The following KIAA1549 variants were observed in gnomAD, a reference collection of about 807,000 sequenced individuals.
The protein encoded by KIAA1549 is UPF0606 protein KIAA1549.
In KIAA1549, 70 loss-of-function variants were observed where a neutral mutation model predicts 156.4. The ratio of observed to expected loss-of-function variants is 0.45; its 90% CI spans 0.37 to 0.55. The LOEUF (loss-of-function observed/expected upper bound fraction) is 0.55, where lower values mean the gene tolerates loss of function less well. Ranked by LOEUF, KIAA1549 falls within the 20% of genes least tolerant of loss-of-function variation. The probability of loss-of-function intolerance (pLI) is 0.00; values close to 1 mark genes in which losing one functional copy is unlikely to be tolerated. For missense variants in KIAA1549, 2,428 were observed against 2,540.9 expected (o/e 0.96, Z 0.96); for synonymous variants, 1,103 against 1,066.4 (o/e 1.03, Z -0.67).
rs1809646125 is a variant in KIAA1549, at chr7:138,834,524, A to G, written c.*3382T>C. 1 of 227,632 alleles carries G rather than the reference A, an allele frequency of 4.4e-6. No homozygotes were observed. Among genetic ancestry groups the G allele is most frequent in the African/African-American group, 2.2e-5 (1 of 45,038 alleles). 14.1% of individuals were successfully genotyped at this position (227,632 alleles called of 1,614,324 possible). A position where few individuals can be genotyped will look rare whatever the true frequency, so the allele number is the denominator to read the frequency against. ...TCCATCTTCTATACCCACTCGTGCT[A>G]TCTTAGATTCTAAAATCTCAGAAGG... is the stretch of plus-strand genomic sequence containing the variant. On this transcript the variant is annotated 3_prime_UTR_variant, in exon 20 of 20. Coordinates refer to ENST00000422774, the MANE Select transcript of KIAA1549 (RefSeq NM_001164665.2).
intron 14 of KIAA1549, among the ~76,000 whole-genome samples, chr7:138,869,027 C>T (rs1041033512): frequency 1.3e-5 from 2 of 152,200 alleles, no homozygotes; most frequent in African/African-American, 4.8e-5. Context: ...ATGTCGGGGA[C>T]GGGAGTCTGG....
At chr7:138,878,278 C>T (rs1811142838) in intron 12 of KIAA1549, among the ~76,000 whole-genome samples, 1 of 151,310 alleles carries the variant, frequency 6.6e-6, no homozygotes, top group Non-Finnish European at 1.5e-5. Context: ...GAGACAAGGA[C>T]AGGCTAGGGC....
rs972062891 is a variant in KIAA1549 at position 138,873,010 on chromosome 7, G to A, written c.4346-1648C>T. On this transcript the variant is annotated intron_variant, in intron 12 of 19. Coordinates refer to ENST00000422774, the MANE Select transcript of KIAA1549 (RefSeq NM_001164665.2). Reference sequence around the variant, plus strand: ...GCCAGCAGGCTGACAGAGGGAATACGCACATGCAGAAAGTGCTTCTAAACA... The same window carrying A: ...GCCAGCAGGCTGACAGAGGGAATACACACATGCAGAAAGTGCTTCTAAACA... Among the ~76,000 whole-genome samples the A allele has an allele frequency of 4.6e-5, 7 of 152,282 alleles. No individual in the cohort carries two copies. The South Asian group carries it at 6.2e-4, about 14-fold the overall frequency.
chr7:138,837,219 T>C lies in KIAA1549; in HGVS notation c.*687A>G, dbSNP rs1010777027. The C allele has an allele frequency of 2.2e-5, 5 of 227,032 alleles. No individual in the cohort carries two copies. Among genetic ancestry groups the C allele is most frequent in the African/African-American group, 1.1e-4 (5 of 45,008 alleles). The allele number at this position is 227,032 out of a possible 1,614,324, so 14.1% of individuals were successfully genotyped here. A position where few individuals can be genotyped will look rare whatever the true frequency, so the allele number is the denominator to read the frequency against. ...AGAACAAAATGAAACCTTCAACATATTCTTCCACTGAAAAAGCCAAAGTTC... is the reference window on the plus strand; with the variant it reads ...AGAACAAAATGAAACCTTCAACATACTCTTCCACTGAAAAAGCCAAAGTTC... On this transcript the variant is annotated 3_prime_UTR_variant, in exon 20 of 20. Transcript: ENST00000422774.
At chr7:138,884,584 A>G (rs1472356749) in intron 10 of KIAA1549, among the ~76,000 whole-genome samples, 1 of 152,212 alleles carries the variant, frequency 6.6e-6, no homozygotes, top group African/African-American at 2.4e-5. Context: ...GTTAAGTCAC[A>G]CCTACGAACA....
intron 13 of KIAA1549, among the ~76,000 whole-genome samples, chr7:138,870,904 C>T (rs555727941): frequency 6.6e-6 from 1 of 152,264 alleles, no homozygotes; most frequent in African/African-American, 2.4e-5. Context: ...TGCAAACTCC[C>T]CCTCCCGGGT....
In KIAA1549 at chr7:138,934,984, A is replaced by C. The variant is rs150488355; in HGVS notation, c.188-15546T>G. Among the ~76,000 whole-genome samples, 524 of 152,360 alleles carry C rather than the reference A, an allele frequency of 3.4e-3. 2 individuals are homozygous for C. The highest frequency in any genetic ancestry group is 0.012 in the African/African-American group (496 of 41,586). On this transcript the variant is annotated intron_variant, in intron 1 of 19. Transcript: ENST00000422774. ...GTCTCCAGAACATTCCACAGAAAACAGAACTGGGCGCTGTTCTATCTCCAA... is the reference window on the plus strand; with the variant it reads ...GTCTCCAGAACATTCCACAGAAAACCGAACTGGGCGCTGTTCTATCTCCAA...
chr7:138,886,975 T>C (rs555055753), intron 10 of KIAA1549, among the ~76,000 whole-genome samples: 7 of 152,102 alleles, frequency 4.6e-5, no homozygotes, highest in African/African-American at 1.7e-4. Flanking sequence ...GATGTCGGCT[T>C]ACTGCAACCT....
At position 138,898,234 on chromosome 7, in the gene KIAA1549, G is replaced by C. The variant is rs139476918; in HGVS notation, c.3847+721C>G. On this transcript the variant is annotated intron_variant, in intron 9 of 19. Transcript: ENST00000422774. ...AGGCAGGAGAATCACTTGAACCCGG[G>C]AGGCAGAGGTTGCAGTGAGCCGAGA... Among the ~76,000 whole-genome samples, 620 of 149,154 alleles carry C rather than the reference G, an allele frequency of 4.2e-3. 5 individuals carry two copies. Among genetic ancestry groups the C allele is most frequent in the African/African-American group, 0.015 (587 of 40,352 alleles).
chr7:138,899,108 C>T lies in KIAA1549; in HGVS notation c.3694G>A (p.Gly1232Arg). Residue 1232 changes from glycine (G) to arginine (R), a missense_variant, in exon 9 of 20, where the codon GGA becomes AGA. Physicochemically the swap from Gly to Arg is moderately radical, Grantham distance 125. Coordinates refer to ENST00000422774, the MANE Select transcript of KIAA1549 (RefSeq NM_001164665.2). ...VQVVNVSRLE[G>R]DDNPVQLIYF... Reference sequence around the variant, plus strand: ...ATGAGCTGTACCGGATTGTCATCTCCCTCCAGCCTCGACACATTTACCACC... The same window carrying T: ...ATGAGCTGTACCGGATTGTCATCTCTCTCCAGCCTCGACACATTTACCACC... The T allele has an allele frequency of 1.9e-6, 3 of 1,613,802 alleles. No homozygotes were observed. Among genetic ancestry groups the T allele is most frequent in the Non-Finnish European group, 2.5e-6 (3 of 1,179,746 alleles).
chr7:138,911,342 C>T lies in KIAA1549; in HGVS notation c.2968-19G>A. The T allele has an allele frequency of 6.6e-7, 1 of 1,523,838 alleles. No individual in the cohort carries two copies. Among genetic ancestry groups the T allele is most frequent in the Non-Finnish European group, 8.9e-7 (1 of 1,124,818 alleles). The allele number at this position is 1,523,838 out of a possible 1,614,324, so 94.4% of individuals were successfully genotyped here. On this transcript the variant is annotated intron_variant, in intron 3 of 19. Transcript: ENST00000422774. ...CGTAAACCTAGGGAAATAAGAAATA[C>T]AAAGACAATTCAAACTTAAAGGAAG...
intron 12 of KIAA1549, among the ~76,000 whole-genome samples, chr7:138,873,681 G>A (rs1810999018): frequency 6.6e-6 from 1 of 150,626 alleles, no homozygotes; most frequent in Admixed American, 6.6e-5. Flanking sequence ...CCTAAGACTG[G>A]GCTCCTGTCC....
At chr7:138,839,907 C>T (rs10282611) in intron 19 of KIAA1549, among the ~76,000 whole-genome samples, 183 of 149,080 alleles carry the variant, frequency 1.2e-3, no homozygotes, top group African/African-American at 4.3e-3. Flanking sequence ...CTTGCCTCAG[C>T]CTCCCAAGTA....
At chr7:138,848,557 G>A (rs1200949004) in intron 17 of KIAA1549, among the ~76,000 whole-genome samples, 2 of 152,138 alleles carry the variant, frequency 1.3e-5, no homozygotes, top group African/African-American at 2.4e-5. Flanking sequence ...TCTACTGCTG[G>A]TTATGCTCAC....
chr7:138,975,047 C>T lies in KIAA1549; in HGVS notation c.187+6036G>A, dbSNP rs1280329225. On this transcript the variant is annotated intron_variant, in intron 1 of 19. Transcript: ENST00000422774. ...ATCACCAGGGGGATCTTGTCAAATGCAGATTCTGATTCAGAAGGTCGGGGG... is the reference window on the plus strand; with the variant it reads ...ATCACCAGGGGGATCTTGTCAAATGTAGATTCTGATTCAGAAGGTCGGGGG... 5.3e-5 allele frequency among the ~76,000 whole-genome samples: 8 copies of T among 152,174 alleles called. No individual in the cohort carries two copies. The East Asian group carries it at 1.5e-3, about 29-fold the overall frequency.
Position 138,835,220 on chromosome 7 carries a change from G to C in KIAA1549, c.*2686C>G. On this transcript the variant is annotated 3_prime_UTR_variant, in exon 20 of 20. Transcript: ENST00000422774. ...GCTGCTCACACAGCTAGTTTTTTCTGAGTTTGGTGACTGGCAAAACTGTTG... is the reference window on the plus strand; with the variant it reads ...GCTGCTCACACAGCTAGTTTTTTCTCAGTTTGGTGACTGGCAAAACTGTTG... The C allele has an allele frequency of 4.6e-6, 1 of 215,462 alleles. No individual in the cohort carries two copies. The highest frequency in any genetic ancestry group is 9.4e-6 in the Non-Finnish European group (1 of 106,742). The allele number at this position is 215,462 out of a possible 1,614,324, so 13.3% of individuals were successfully genotyped here.
chr7:138,920,170 T>TC (rs144203447), intron 1 of KIAA1549, among the ~76,000 whole-genome samples: 16,279 of 84,436 alleles, frequency 0.19, 333 homozygotes, highest in African/African-American at 0.38. Flanking sequence ...GGAATGCCCT[T>TC]CCCAGCTCTC....
chr7:138,888,788 T>C (rs1284614174), intron 10 of KIAA1549, among the ~76,000 whole-genome samples: 2 of 152,224 alleles, frequency 1.3e-5, no homozygotes, highest in African/African-American at 4.8e-5. Flanking sequence ...TTATGAAATA[T>C]ATAATTATAA....
At position 138,935,978 on chromosome 7, in the gene KIAA1549, AG is replaced by A. The variant is rs551749049; in HGVS notation, c.188-16541del. Among the ~76,000 whole-genome samples, 69 of 152,322 alleles carry A rather than the reference AG, an allele frequency of 4.5e-4. 1 individual carries two copies. The South Asian group carries it at 0.012, about 27-fold the overall frequency. On this transcript the variant is annotated intron_variant, in intron 1 of 19. Transcript: ENST00000422774. ...GAGTGTGAGAATGTTGGCAGACAAT[AG>A]GAAGGAATAGGATATTTTGAGCAGA...
Sources: gnomAD v4.1 joint callset for allele counts (sites outside exome capture counted in the v4.1 genomes callset) on GRCh38, gnomAD v4.1.1 for gene constraint, MANE v1.5 for transcripts, NCBI Gene and HGNC (gene_info 2026-07-23, HGNC 2026-07-21) for gene names.